Variants in MAP1B observed in about 807,000 individuals in gnomAD.
MAP1B encodes the protein microtubule-associated protein 1B.
In MAP1B, 12 loss-of-function variants were observed where a neutral mutation model predicts 176.1. The ratio of observed to expected loss-of-function variants is 0.07; its 90% CI spans 0.04 to 0.11. The LOEUF is 0.11. MAP1B is among the 10% of genes least tolerant of loss of function. The pLI, the probability that MAP1B is intolerant of heterozygous loss-of-function variation, is 1.00. For synonymous variants in MAP1B, 1,044 were observed against 1,135.0 expected, an observed-to-expected ratio of 0.92 and a Z score of 1.61; for missense variants, 2,523 against 2,990.5, an observed-to-expected ratio of 0.84 and a Z score of 3.65.
At chr5:72,183,277 T>C (rs1746817001) in intron 2 of MAP1B, among the ~76,000 whole-genome samples, 1 of 152,258 alleles carries the variant, frequency 6.6e-6, no homozygotes. Context: ...GTTGTTGGGC[T>C]AATTGTTAGC....
Position 72,197,977 on chromosome 5 carries a change from A to T in MAP1B, c.4622A>T (p.Asp1541Val). ...CCTGTTGATGAGGGCGTAGCAGAAG[A>T]CACGTACTCTCATATGGAGGGTGTG... Reference protein sequence around the residue: ...ATPVDEGVAEDTYSHMEGVAS... With the variant: ...ATPVDEGVAEVTYSHMEGVAS... Residue 1541 changes from aspartate to valine, a missense_variant, in exon 5 of 7, where the codon GAC becomes GTC. Coordinates refer to ENST00000296755, the MANE Select transcript of MAP1B (RefSeq NM_005909.5). The T allele has an allele frequency of 6.2e-7, 1 of 1,614,188 alleles. No individual in the cohort carries two copies. Among genetic ancestry groups the T allele is most frequent in the Non-Finnish European group, 8.5e-7 (1 of 1,180,034 alleles).
Position 72,198,295 on chromosome 5 carries a change from T to C in MAP1B, c.4940T>C (p.Ile1647Thr). The C allele has an allele frequency of 1.2e-6, 2 of 1,614,206 alleles. No homozygotes were observed. The highest frequency in any genetic ancestry group is 1.7e-6 in the Non-Finnish European group (2 of 1,180,034). The change falls in exon 5 of 7, where the codon ATT becomes ACT. Residue 1647 changes from isoleucine to threonine, a missense_variant. By Grantham distance (89) the Ile-to-Thr change is moderately conservative. This residue lies in a region of MAP1B where 1,925 missense variants were observed against 2,126.0 expected (regional missense o/e 0.91). Transcript: ENST00000296755. ...DHRSEQSSMS[I>T]EFGQESPEQS... ...AGATCTGAACAGTCCTCAATGTCTA[T>C]TGAATTTGGCCAAGAATCTCCTGAG...
At chr5:72,122,017 T>C (rs372759061) in intron 2 of MAP1B, among the ~76,000 whole-genome samples, 1 of 152,252 alleles carries the variant, frequency 6.6e-6, no homozygotes, top group African/African-American at 2.4e-5. Flanking sequence ...TGTGAGGCTC[T>C]GCTCATCTTT....
At chr5:72,158,956 C>T (rs7701993) in intron 2 of MAP1B, among the ~76,000 whole-genome samples, 112,971 of 152,118 alleles carry the variant, frequency 0.74, 43,621 homozygotes, top group South Asian at 0.92. Context: ...TGAGTATCCA[C>T]ATGCCAGGCT....
Position 72,197,105 on chromosome 5 carries a change from G to C in MAP1B, c.3750G>C (p.Lys1250Asn). 3.7e-6 allele frequency: 6 copies of C among 1,614,196 alleles called. No individual in the cohort carries two copies. The highest frequency in any genetic ancestry group is 5.1e-6 in the Non-Finnish European group (6 of 1,180,036). ...GCATCTCAGCTGTTTCAAGTGAAAA[G>C]GTCAGCCCATCGAAGAGCCCGTCCC... ...KDSISAVSSE[K>N]VSPSKSPSLS... The change falls in exon 5 of 7, where the codon AAG becomes AAC. Residue 1250 changes from lysine to asparagine, a missense_variant. Lys to Asn is a moderately conservative substitution (Grantham distance 94, BLOSUM62 0). Transcript: ENST00000296755.
intron 2 of MAP1B, among the ~76,000 whole-genome samples, chr5:72,163,180 A>G (rs1221352837): frequency 1.4e-5 from 2 of 147,132 alleles, no homozygotes; most frequent in Non-Finnish European, 3.0e-5. Context: ...GTGAGCCAAT[A>G]TCACGCCACT....
At chr5:72,161,163 C>A (rs1336457686) in intron 2 of MAP1B, among the ~76,000 whole-genome samples, 1 of 152,102 alleles carries the variant, frequency 6.6e-6, no homozygotes, top group African/African-American at 2.4e-5. Context: ...ACTCAGGGGA[C>A]AGAGAGAGAA....
Position 72,143,963 on chromosome 5 carries a change from ATCTACC to A in MAP1B, c.286+28167_286+28172del, listed in dbSNP as rs1371509299. Among the ~76,000 whole-genome samples, 8 of 152,132 alleles carry A rather than the reference ATCTACC, an allele frequency of 5.3e-5. No homozygotes were observed. The East Asian group carries it at 1.4e-3, about 26-fold the overall frequency. ...TGGCTTGTAGATGTATCATTCCATT[ATCTACC>A]TCCAGTGTCACGTGGCGTGTTCTCC... is the stretch of plus-strand genomic sequence containing the variant. On this transcript the variant is annotated intron_variant, in intron 2 of 6. Coordinates refer to ENST00000296755, the MANE Select transcript of MAP1B (RefSeq NM_005909.5).
intron 2 of MAP1B, among the ~76,000 whole-genome samples, chr5:72,148,660 A>C (rs1198081751): frequency 2.0e-5 from 3 of 152,244 alleles, no homozygotes; most frequent in Non-Finnish European, 2.9e-5. Flanking sequence ...CTTGCCACGC[A>C]CCGAGGAGAT....
intron 2 of MAP1B, among the ~76,000 whole-genome samples, chr5:72,160,611 A>C (rs917533444): frequency 1.1e-4 from 16 of 152,218 alleles, no homozygotes; most frequent in African/African-American, 3.9e-4. Flanking sequence ...TATCATTTTA[A>C]GCCTACTGAA....
At chr5:72,190,609 T>C (rs1296292195) in intron 4 of MAP1B, among the ~76,000 whole-genome samples, 1 of 152,246 alleles carries the variant, frequency 6.6e-6, no homozygotes, top group Non-Finnish European at 1.5e-5. Context: ...TTTCATACCA[T>C]GCACAAATAT....
intron 2 of MAP1B, among the ~76,000 whole-genome samples, chr5:72,181,388 T>TG (rs1476860477): frequency 6.6e-6 from 1 of 152,180 alleles, no homozygotes; most frequent in East Asian, 1.9e-4. Context: ...AGATCTAGTT[T>TG]GCATACCATA....
At chr5:72,180,633 C>T (rs1746745496) in intron 2 of MAP1B, among the ~76,000 whole-genome samples, 1 of 152,154 alleles carries the variant, frequency 6.6e-6, no homozygotes, top group Non-Finnish European at 1.5e-5. Flanking sequence ...TCTTCTTAAG[C>T]CTCCGTTCTT....
At chr5:72,167,106 CAA>C (rs1323453584) in intron 2 of MAP1B, among the ~76,000 whole-genome samples, 1 of 148,414 alleles carries the variant, frequency 6.7e-6, no homozygotes, top group Non-Finnish European at 1.5e-5. Flanking sequence ...GCAGACATTA[CAA>C]AAGAGAGAGG....
chr5:72,170,517 A>G (rs1463173208), intron 2 of MAP1B, among the ~76,000 whole-genome samples: 1 of 151,700 alleles, frequency 6.6e-6, no homozygotes, highest in African/African-American at 2.4e-5. Context: ...AGTTGGAGAA[A>G]GTTCTTTTAT....
chr5:72,115,117 A>G (rs1174072931), intron 1 of MAP1B, among the ~76,000 whole-genome samples: 1 of 152,236 alleles, frequency 6.6e-6, no homozygotes, highest in African/African-American at 2.4e-5. Context: ...TGTTTATCAA[A>G]GATCACATAA....
intron 1 of MAP1B, among the ~76,000 whole-genome samples, chr5:72,113,748 A>G (rs1414343443): frequency 6.6e-6 from 1 of 152,244 alleles, no homozygotes; most frequent in Non-Finnish European, 1.5e-5. Context: ...AACAAGGAGA[A>G]TTCAGTCAAC....
intron 2 of MAP1B, among the ~76,000 whole-genome samples, chr5:72,179,226 A>G (rs1580009905): frequency 6.6e-6 from 1 of 152,172 alleles, no homozygotes; most frequent in Non-Finnish European, 1.5e-5. Flanking sequence ...TTATGAAGCG[A>G]TAAGTGACAC....
rs534481306 is a variant in MAP1B at position 72,199,251 on chromosome 5, C to A, written c.5896C>A (p.Pro1966Thr). The A allele has an allele frequency of 3.1e-6, 5 of 1,613,960 alleles. No homozygotes were observed. The highest frequency in any genetic ancestry group is 1.7e-5 in the Admixed American group (1 of 60,006). Residue 1966 changes from proline to threonine, a missense_variant, in exon 5 of 7, where the codon CCC (proline) becomes ACC (threonine). Transcript: ENST00000296755. The surrounding 1 kb of genome is among the most constrained non-coding windows in gnomAD (Gnocchi z 4.2). ...TGACATAAGTGAAAAGACCACCAGC[C>A]CCCCCGAAGTGAGTGGTTACAGCTA... ...SYDISEKTTS[P>T]PEVSGYSYEK... is the part of the protein sequence containing the mutation.
Sources: allele counts gnomAD v4.1 joint callset (sites outside exome capture counted in the v4.1 genomes callset), GRCh38; gene constraint gnomAD v4.1.1; regional missense constraint gnomAD v4.1.1; non-coding constraint Gnocchi (gnomAD v3.1); transcripts MANE v1.5; gene names NCBI Gene and HGNC (gene_info 2026-07-23, HGNC 2026-07-21).